The following SYNDIG1 variants were observed in gnomAD, a reference collection of about 807,000 sequenced individuals.
SYNDIG1 encodes synapse differentiation-inducing gene protein 1.
In SYNDIG1, 9 loss-of-function variants were observed where a neutral mutation model predicts 19.4. The ratio of observed to expected loss-of-function variants is 0.46; its 90% CI spans 0.28 to 0.81. The LOEUF (loss-of-function observed/expected upper bound fraction) is 0.81. SYNDIG1 is among the 30% of genes least tolerant of loss of function. The pLI, the probability that SYNDIG1 is intolerant of heterozygous loss-of-function variation, is 0.12. For synonymous variants in SYNDIG1, 141 were observed against 145.9 expected (o/e 0.97, Z 0.24); for missense variants, 311 against 343.3 (o/e 0.91, Z 0.74).
chr20:24,504,890 T>C (rs1391722458), intron 1 of SYNDIG1, among the ~76,000 whole-genome samples: 3 of 152,174 alleles, frequency 2.0e-5, no homozygotes, highest in African/African-American at 7.2e-5. Context: ...ACTGCTGCAA[T>C]AGCCCAGTAA....
intron 3 of SYNDIG1, among the ~76,000 whole-genome samples, chr20:24,639,960 C>A (rs541177788): frequency 6.6e-6 from 1 of 152,150 alleles, no homozygotes; most frequent in African/African-American, 2.4e-5. Flanking sequence ...TTAGATTGCC[C>A]CCCAAATTTT....
chr20:24,578,429 G>A (rs190991329), intron 2 of SYNDIG1, among the ~76,000 whole-genome samples: 16 of 145,530 alleles, frequency 1.1e-4, no homozygotes, highest in Non-Finnish European at 1.2e-4. Context: ...GAGACAGTGC[G>A]AGACTCTGTA....
intron 3 of SYNDIG1, among the ~76,000 whole-genome samples, chr20:24,589,617 C>A (rs1031785619): frequency 2.0e-5 from 3 of 152,240 alleles, no homozygotes; most frequent in Admixed American, 6.5e-5. Flanking sequence ...TGGACCTGCG[C>A]CGGGCAGGCC....
chr20:24,550,187 A>G (rs1265712885), intron 2 of SYNDIG1, among the ~76,000 whole-genome samples: 1 of 152,186 alleles, frequency 6.6e-6, no homozygotes, highest in South Asian at 2.1e-4. Context: ...TTCCTGTCCT[A>G]TCAGTGTACA....
intron 3 of SYNDIG1, among the ~76,000 whole-genome samples, chr20:24,590,285 G>T (rs2058487054): frequency 6.6e-6 from 1 of 152,052 alleles, no homozygotes; most frequent in Non-Finnish European, 1.5e-5. Flanking sequence ...GGCGCGGCGG[G>T]GCTGGGGGCC....
At chr20:24,622,945 T>G (rs543939098) in intron 3 of SYNDIG1, among the ~76,000 whole-genome samples, 11 of 151,524 alleles carry the variant, frequency 7.3e-5, no homozygotes, top group African/African-American at 2.4e-4. Flanking sequence ...CCATAGAAAA[T>G]TGAAACCAAA....
In SYNDIG1 at chr20:24,655,312, C is replaced by T. The variant is rs1049354289; in HGVS notation, c.619-10034C>T. Among the ~76,000 whole-genome samples the T allele has an allele frequency of 2.0e-5, 3 of 152,250 alleles. No homozygotes were observed. In the East Asian group the frequency reaches 5.8e-4, roughly 29 times the overall value. ...AAGAAAAGAGGCATAAACCAGTGCA[C>T]TTGGCTTAGCAGTGAACACAAAGTA... On this transcript the variant is annotated intron_variant, in intron 3 of 3. Coordinates refer to ENST00000376862, the MANE Select transcript of SYNDIG1 (RefSeq NM_024893.3).
chr20:24,496,529 G>C (rs2056309954), intron 1 of SYNDIG1, among the ~76,000 whole-genome samples: 1 of 152,152 alleles, frequency 6.6e-6, no homozygotes, highest in Non-Finnish European at 1.5e-5. Context: ...TTTGGCATTG[G>C]GCACACCTGG....
chr20:24,584,794 C>T (rs2058386377), intron 2 of SYNDIG1, 62 bp from the exon 3 acceptor site: 1 of 1,610,264 alleles, frequency 6.2e-7, no homozygotes, highest in Non-Finnish European at 8.5e-7. Flanking sequence ...TCCCTGGACA[C>T]CCCAGGATGA....
chr20:24,610,525 C>T (rs1600738052), intron 3 of SYNDIG1, among the ~76,000 whole-genome samples: 1 of 152,196 alleles, frequency 6.6e-6, no homozygotes. Context: ...GTTCCTGAGT[C>T]ACACACACCA....
intron 3 of SYNDIG1, among the ~76,000 whole-genome samples, chr20:24,586,130 G>A (rs185613460): frequency 6.6e-6 from 1 of 152,324 alleles, no homozygotes; most frequent in Non-Finnish European, 1.5e-5. Flanking sequence ...AGGAGCAGGG[G>A]AGAGTGGTGG....
chr20:24,486,807 C>G (rs868623134), intron 1 of SYNDIG1, among the ~76,000 whole-genome samples: 5 of 152,020 alleles, frequency 3.3e-5, no homozygotes, highest in African/African-American at 1.2e-4. Flanking sequence ...TACAGGTGTG[C>G]GCCAACATGC....
chr20:24,492,764 C>T (rs1255516648), intron 1 of SYNDIG1, among the ~76,000 whole-genome samples: 1 of 152,258 alleles, frequency 6.6e-6, no homozygotes, highest in African/African-American at 2.4e-5. Flanking sequence ...ATCCCCCTTT[C>T]TCCATCTTCC....
intron 3 of SYNDIG1, among the ~76,000 whole-genome samples, chr20:24,588,387 G>A (rs2058451994): frequency 6.6e-6 from 1 of 152,218 alleles, no homozygotes; most frequent in South Asian, 2.1e-4. Context: ...GTGTTAGTGA[G>A]GTGGGTAACA....
Position 24,560,063 on chromosome 20 carries a change from C to CTTTTTTTTTTTTTTTTTTTTTTTTT in SYNDIG1, c.480+16490_480+16514dup, listed in dbSNP as rs60892856. ...TTTTTTTTAACATTTCTCTCCTCTCCTTTTTTTTTTTTTTTTTTTTTTTTT... is the reference window on the plus strand; with the variant it reads ...TTTTTTTTAACATTTCTCTCCTCTCCTTTTTTTTTTTTTTTTTTTTTTTTTTTTTTTTTTTTTTTTTTTTTTTTTT... On this transcript the variant is annotated intron_variant, in intron 2 of 3. Transcript: ENST00000376862. 4.6e-5 allele frequency among the ~76,000 whole-genome samples: 2 copies of CTTTTTTTTTTTTTTTTTTTTTTTTT among 43,062 alleles called. 1 individual carries two copies. Among genetic ancestry groups the CTTTTTTTTTTTTTTTTTTTTTTTTT allele is most frequent in the African/African-American group, 3.0e-4 (2 of 6,684 alleles). 28.3% of individuals were successfully genotyped at this position (43,062 alleles called of 152,430 possible). A position where few individuals can be genotyped will look rare whatever the true frequency, so the allele number is the denominator to read the frequency against.
chr20:24,601,809 A>T (rs541725071), intron 3 of SYNDIG1, among the ~76,000 whole-genome samples: 13 of 152,254 alleles, frequency 8.5e-5, no homozygotes, highest in Non-Finnish European at 1.9e-4. Flanking sequence ...CCTAAAGAAC[A>T]TCCTTTAGAA....
intron 1 of SYNDIG1, among the ~76,000 whole-genome samples, chr20:24,474,362 A>G (rs1302856372): frequency 1.3e-5 from 2 of 152,228 alleles, no homozygotes; most frequent in African/African-American, 4.8e-5. Context: ...TAGAAACTCT[A>G]AAGAACAACA....
intron 3 of SYNDIG1, among the ~76,000 whole-genome samples, chr20:24,646,991 TC>T (rs1400813911): frequency 6.6e-6 from 1 of 152,216 alleles, no homozygotes; most frequent in African/African-American, 2.4e-5. Context: ...GATAAACTAT[TC>T]AGCCTCAGGT....
At chr20:24,636,188 G>A (rs1017624826) in intron 3 of SYNDIG1, among the ~76,000 whole-genome samples, 4 of 152,166 alleles carry the variant, frequency 2.6e-5, no homozygotes, top group African/African-American at 9.7e-5. Context: ...ATTTTCATGA[G>A]AAAGCTTAAC....
Sources: allele counts gnomAD v4.1 joint callset (sites outside exome capture counted in the v4.1 genomes callset), GRCh38; gene constraint gnomAD v4.1.1; transcripts MANE v1.5; gene names NCBI Gene and HGNC (gene_info 2026-07-23, HGNC 2026-07-21).